The following SHISA6 variants were observed in gnomAD, a reference collection of about 807,000 sequenced individuals.
SHISA6 encodes the protein protein shisa-6.
In SHISA6, 22 loss-of-function variants were observed where a neutral mutation model predicts 47.9. The ratio of observed to expected loss-of-function variants is 0.46; its 90% confidence interval spans 0.33 to 0.66. The LOEUF (loss-of-function observed/expected upper bound fraction) is 0.66. SHISA6 is among the 30% of genes least tolerant of loss of function. The pLI is 0.02. For missense variants in SHISA6, 680 were observed against 764.6 expected (o/e 0.89, Z 1.30); for synonymous variants, 388 against 337.8 (o/e 1.15, Z -1.63).
intron 3 of SHISA6, among the ~76,000 whole-genome samples, chr17:11,509,046 A>G (rs1328307193): frequency 6.6e-6 from 1 of 152,172 alleles, no homozygotes; most frequent in African/African-American, 2.4e-5. Context: ...TCCTCCCTGG[A>G]AGGTTTCACT....
At chr17:11,343,481 G>A (rs1335508092) in intron 2 of SHISA6, among the ~76,000 whole-genome samples, 1 of 152,142 alleles carries the variant, frequency 6.6e-6, no homozygotes, top group Admixed American at 6.5e-5. Flanking sequence ...CAGTCCAAAG[G>A]CTATTGAGCT....
At chr17:11,530,495 C>A (rs1011428415) in intron 3 of SHISA6, among the ~76,000 whole-genome samples, 13 of 152,320 alleles carry the variant, frequency 8.5e-5, no homozygotes, top group African/African-American at 3.1e-4. Flanking sequence ...AACAATTATA[C>A]ATGTTAACTA....
chr17:11,311,303 G>C (rs1910334665), intron 2 of SHISA6, among the ~76,000 whole-genome samples: 1 of 128,732 alleles, frequency 7.8e-6, no homozygotes, highest in Non-Finnish European at 1.7e-5. Context: ...AAAAAAAACC[G>C]ACAAACAAAA....
intron 3 of SHISA6, among the ~76,000 whole-genome samples, chr17:11,404,351 T>C (rs1367813589): frequency 6.6e-6 from 1 of 152,190 alleles, no homozygotes; most frequent in Non-Finnish European, 1.5e-5. Context: ...TCTGGCCCAC[T>C]GAAGACTGGA....
chr17:11,338,133 A>G (rs1465131610), intron 2 of SHISA6, among the ~76,000 whole-genome samples: 1 of 152,174 alleles, frequency 6.6e-6, no homozygotes, highest in Admixed American at 6.5e-5. Context: ...GATTTGGATG[A>G]GGTCTTTAGC....
intron 3 of SHISA6, among the ~76,000 whole-genome samples, chr17:11,535,075 G>A (rs1004440449): frequency 6.6e-6 from 1 of 151,946 alleles, no homozygotes; most frequent in Admixed American, 6.6e-5. Context: ...TTGCGGTGAG[G>A]GTGAGCCAAG....
At chr17:11,499,334 C>T (rs1349965895) in intron 3 of SHISA6, among the ~76,000 whole-genome samples, 4 of 152,146 alleles carry the variant, frequency 2.6e-5, no homozygotes, top group Non-Finnish European at 5.9e-5. Context: ...GGGGAGTGGA[C>T]TATAAAGCAC....
chr17:11,294,816 C>A (rs182741930), intron 2 of SHISA6, among the ~76,000 whole-genome samples: 192 of 152,306 alleles, frequency 1.3e-3, no homozygotes, highest in African/African-American at 4.2e-3. Context: ...TTAGCAACCT[C>A]AGCCTATAAG....
At position 11,260,968 on chromosome 17, in the gene SHISA6, G is replaced by C. The variant is rs74650104; in HGVS notation, c.639-2398G>C. Among the ~76,000 whole-genome samples the C allele has an allele frequency of 5.9e-5, 9 of 152,260 alleles. No homozygotes were observed. In the East Asian group the frequency reaches 1.7e-3, roughly 29 times the overall value. ...TGACCAATTTTCTTTCCTACGGTTAGAAAGTAGCTCAGGCCTTAACCCATT... is the reference window on the plus strand; with the variant it reads ...TGACCAATTTTCTTTCCTACGGTTACAAAGTAGCTCAGGCCTTAACCCATT... On this transcript the variant is annotated intron_variant, in intron 1 of 5. Transcript: ENST00000441885.
intron 3 of SHISA6, among the ~76,000 whole-genome samples, chr17:11,536,009 GATAGATAT>G (rs1471063140): frequency 2.6e-5 from 4 of 151,916 alleles, no homozygotes; most frequent in Non-Finnish European, 5.9e-5. Context: ...CAGATAGATA[GATAGATAT>G]ATATAGAGAG....
At chr17:11,554,144 C>G (rs2071954605) in intron 4 of SHISA6, among the ~76,000 whole-genome samples, 1 of 152,160 alleles carries the variant, frequency 6.6e-6, no homozygotes, top group Non-Finnish European at 1.5e-5. Context: ...TCCAGCATAG[C>G]CAAAGTGAAG....
chr17:11,254,101 T>G (rs1369501726), intron 1 of SHISA6, among the ~76,000 whole-genome samples: 1 of 152,188 alleles, frequency 6.6e-6, no homozygotes, highest in Non-Finnish European at 1.5e-5. Context: ...TTGCTTCTCT[T>G]AGTCTGCTTA....
chr17:11,491,978 T>C (rs1916496937), intron 3 of SHISA6, among the ~76,000 whole-genome samples: 1 of 151,898 alleles, frequency 6.6e-6, no homozygotes, highest in African/African-American at 2.4e-5. Context: ...TCCATGTTGG[T>C]CAGGATGGTC....
intron 2 of SHISA6, chr17:11,289,490 A>G (rs1337606324): frequency 1.3e-5 from 2 of 151,734 alleles, no homozygotes; most frequent in East Asian, 1.9e-4. Flanking sequence ...CCCCTTCCCC[A>G]GTATGTTCTG....
intron 1 of SHISA6, among the ~76,000 whole-genome samples, chr17:11,250,294 G>A (rs1409997585): frequency 1.3e-5 from 2 of 152,160 alleles, no homozygotes; most frequent in Non-Finnish European, 2.9e-5. Context: ...CAGGGCTGTC[G>A]CCTCTGTACT....
Position 11,320,606 on chromosome 17 carries a change from C to T in SHISA6, c.799+57080C>T, listed in dbSNP as rs552668524. Among the ~76,000 whole-genome samples the T allele has an allele frequency of 2.4e-3, 359 of 151,434 alleles. 1 individual carries two copies. Among genetic ancestry groups the T allele is most frequent in the Middle Eastern group, 0.01 (3 of 292 alleles). On this transcript the variant is annotated intron_variant, in intron 2 of 5. Transcript: ENST00000441885. ...TCTGGAGGTGGAGGCTTCAGTGAGC[C>T]AAAATTGTGCCATTGCACTCCAGCC... is the stretch of plus-strand genomic sequence containing the variant.
Position 11,241,862 on chromosome 17 carries a change from G to T in SHISA6, c.440G>T (p.Ser147Ile), listed in dbSNP as rs1381188642. 1 of 1,551,322 alleles carries T rather than the reference G, an allele frequency of 6.4e-7. No homozygotes were observed. Among genetic ancestry groups the T allele is most frequent in the Non-Finnish European group, 8.7e-7 (1 of 1,147,014 alleles). Residue 147 changes from serine to isoleucine, a missense_variant, in exon 1 of 6, where the codon AGC becomes ATC. By Grantham distance (142) the Ser-to-Ile change is moderately radical. Coordinates refer to ENST00000441885, the MANE Select transcript of SHISA6 (RefSeq NM_207386.4). This position sits in a 1 kb window ranked among gnomAD's most constrained non-coding sequence, Gnocchi z 5.5. ...CAGCGCCAGTGCACCAACTACCAGA[G>T]CCCGGTGTGGGTACAGACGCCCAGC... is the stretch of plus-strand genomic sequence containing the variant. Reference protein sequence around the residue: ...LDQRQCTNYQSPVWVQTPSTK... With the variant: ...LDQRQCTNYQIPVWVQTPSTK...
chr17:11,328,414 G>A (rs1910985128), intron 2 of SHISA6, among the ~76,000 whole-genome samples: 1 of 152,194 alleles, frequency 6.6e-6, no homozygotes, highest in Admixed American at 6.5e-5. Flanking sequence ...ACATTTACTG[G>A]TTGCAGAACC....
chr17:11,552,111 G>T (rs2071936820), intron 4 of SHISA6, among the ~76,000 whole-genome samples, 159 bp downstream of exon 4: 1 of 152,168 alleles, frequency 6.6e-6, no homozygotes, highest in Non-Finnish European at 1.5e-5. Context: ...GGGCCACAAT[G>T]CTCTAATCTC....
Sources: gnomAD v4.1 joint callset for allele counts (sites outside exome capture counted in the v4.1 genomes callset) on GRCh38, gnomAD v4.1.1 for gene constraint, Gnocchi (gnomAD v3.1) non-coding constraint, MANE v1.5 for transcripts, NCBI Gene and HGNC (gene_info 2026-07-23, HGNC 2026-07-21) for gene names.